The following NXPE2 variants were observed in gnomAD, a reference collection of about 807,000 sequenced individuals.
NXPE2 encodes the protein neurexophilin and PC-esterase domain family member 2.
In NXPE2, 34 loss-of-function variants were observed where a neutral mutation model predicts 34.4. The ratio of observed to expected loss-of-function variants is 0.99; its 90% confidence interval spans 0.75 to 1.31. The LOEUF is 1.31. Ranked by LOEUF, NXPE2 falls within the 40% of genes most tolerant of loss-of-function variation. The pLI is 0.00. For synonymous variants in NXPE2, 235 were observed against 231.3 expected (o/e 1.02, Z -0.15); for missense variants, 649 against 672.5 (o/e 0.97, Z 0.39).
the NXPE2 span, among the ~76,000 whole-genome samples, chr11:114,617,454 C>T: frequency 6.6e-6 from 1 of 152,004 alleles, no homozygotes; most frequent in East Asian, 1.9e-4. Context: ...TCGTGGATAA[C>T]CACTGTTATC....
At chr11:114,478,399 T>A in the NXPE2 span, among the ~76,000 whole-genome samples, 2 of 152,158 alleles carry the variant, frequency 1.3e-5, no homozygotes, top group Non-Finnish European at 2.9e-5. Context: ...TTGAAAAGAT[T>A]TACAGACATC....
the NXPE2 span, among the ~76,000 whole-genome samples, chr11:114,486,991 G>A: frequency 5.9e-5 from 9 of 151,522 alleles, no homozygotes; most frequent in Non-Finnish European, 1.3e-4. Flanking sequence ...CTTCTTTGTG[G>A]TATTATGTAC....
the NXPE2 span, among the ~76,000 whole-genome samples, chr11:114,637,016 G>A: frequency 0.02 from 2,673 of 137,064 alleles, no homozygotes; most frequent in Middle Eastern, 0.034. Context: ...CCTGGGTATC[G>A]TTGTTGACTT....
intron 2 of NXPE2, among the ~76,000 whole-genome samples, chr11:114,683,853 A>C (rs1044922316): frequency 5.9e-5 from 9 of 152,216 alleles, no homozygotes; most frequent in African/African-American, 2.2e-4. Flanking sequence ...ATAAAGATGG[A>C]GAAAAGTCAA....
chr11:114,612,760 C>T, the NXPE2 span, among the ~76,000 whole-genome samples: 1 of 151,898 alleles, frequency 6.6e-6, no homozygotes, highest in South Asian at 2.1e-4. Context: ...ATAAGTGTTG[C>T]CTCGTGGGTA....
At chr11:114,530,192 T>C in the NXPE2 span, 1 of 1,607,090 alleles carries the variant, frequency 6.2e-7, no homozygotes, top group Non-Finnish European at 8.5e-7. Context: ...AAAGGCTGTT[T>C]TCCTTGTCTG....
chr11:114,763,500 A>G, the NXPE2 span, among the ~76,000 whole-genome samples: 1 of 152,198 alleles, frequency 6.6e-6, no homozygotes, highest in Non-Finnish European at 1.5e-5. Flanking sequence ...ATAGCACATG[A>G]CCTCACATTA....
At chr11:114,502,297 CT>C in the NXPE2 span, among the ~76,000 whole-genome samples, 1 of 152,232 alleles carries the variant, frequency 6.6e-6, no homozygotes, top group Non-Finnish European at 1.5e-5. Context: ...TCTTAATTAT[CT>C]TTTCAAATTC....
chr11:114,583,782 T>C, the NXPE2 span: 1 of 451,420 alleles, frequency 2.2e-6, no homozygotes, highest in South Asian at 1.8e-5. Context: ...GACGTTGATA[T>C]TCACCATGAT....
At chr11:114,562,376 G>A in the NXPE2 span, among the ~76,000 whole-genome samples, 5 of 152,268 alleles carry the variant, frequency 3.3e-5, no homozygotes, top group East Asian at 9.6e-4. Flanking sequence ...CCCAGCCCTT[G>A]CACACATTCT....
chr11:114,765,600 T>C, the NXPE2 span, among the ~76,000 whole-genome samples: 1 of 152,318 alleles, frequency 6.6e-6, no homozygotes, highest in African/African-American at 2.4e-5. Context: ...ATCTCTGAGG[T>C]ATACCTACAA....
intron 1 of NXPE2, 72 bp from the exon 2 acceptor site, chr11:114,679,585 G>A: frequency 5.6e-6 from 5 of 884,960 alleles, no homozygotes; most frequent in Non-Finnish European, 6.9e-6. Flanking sequence ...TACTGAAGAG[G>A]AACCAAAGTG....
At chr11:114,760,952 G>T in the NXPE2 span, among the ~76,000 whole-genome samples, 1 of 152,116 alleles carries the variant, frequency 6.6e-6, no homozygotes, top group East Asian at 1.9e-4. Context: ...TTTATTAAAT[G>T]TCATTGCTTC....
chr11:114,630,132 A>G, the NXPE2 span, among the ~76,000 whole-genome samples: 3 of 151,810 alleles, frequency 2.0e-5, no homozygotes, highest in South Asian at 6.2e-4. Context: ...GTACCCATCA[A>G]GCTACCAATG....
chr11:114,546,310 TAGGTGA>T, the NXPE2 span, among the ~76,000 whole-genome samples: 1 of 152,004 alleles, frequency 6.6e-6, no homozygotes, highest in East Asian at 1.9e-4. Flanking sequence ...ATTGATGTGG[TAGGTGA>T]AGGCTAGTGT....
chr11:114,522,221 A>G, the NXPE2 span: 1 of 1,614,110 alleles, frequency 6.2e-7, no homozygotes. Flanking sequence ...TCTTAGGAAC[A>G]GTCTTTCAAT....
At chr11:114,715,114 A>G in the NXPE2 span, among the ~76,000 whole-genome samples, 1 of 152,236 alleles carries the variant, frequency 6.6e-6, no homozygotes, top group Non-Finnish European at 1.5e-5. Flanking sequence ...AGGATAGATT[A>G]TTTTGATTAT....
At chr11:114,780,237 A>C in the NXPE2 span, among the ~76,000 whole-genome samples, 1 of 152,302 alleles carries the variant, frequency 6.6e-6, no homozygotes, top group East Asian at 1.9e-4. Flanking sequence ...GTGGAGATGG[A>C]CCACAGGTTT....
At chr11:114,641,123 G>A in the NXPE2 span, among the ~76,000 whole-genome samples, 1 of 151,994 alleles carries the variant, frequency 6.6e-6, no homozygotes, top group South Asian at 2.1e-4. Flanking sequence ...TCTGGTGCAC[G>A]AGTAGAATGT....
Sources: gnomAD v4.1 joint callset for allele counts (sites outside exome capture counted in the v4.1 genomes callset) on GRCh38, gnomAD v4.1.1 for gene constraint, MANE v1.5 for transcripts, NCBI Gene and HGNC (gene_info 2026-07-23, HGNC 2026-07-21) for gene names.